Variants in TENM3 observed in about 807,000 individuals in gnomAD.
TENM3 encodes the protein teneurin-3.
Under a neutral mutation model 255.1 loss-of-function variants are expected in TENM3, and 63 were observed. The ratio of observed to expected loss-of-function variants is 0.25; its 90% confidence interval spans 0.20 to 0.30. The LOEUF (loss-of-function observed/expected upper bound fraction) is 0.30. Ranked by LOEUF, TENM3 falls within the 10% of genes least tolerant of loss-of-function variation. TENM3 has a pLI of 1.00. For missense variants in TENM3, 2,929 were observed against 3,461.1 expected (o/e 0.85, Z 3.86); for synonymous variants, 1,306 against 1,322.3 (o/e 0.99, Z 0.27).
At chr4:181,617,805 C>T in the TENM3 span, among the ~76,000 whole-genome samples, 1 of 152,180 alleles carries the variant, frequency 6.6e-6, no homozygotes, top group South Asian at 2.1e-4. Context: ...AAACTGGATA[C>T]CCTACAACTT....
the TENM3 span, among the ~76,000 whole-genome samples, chr4:181,559,701 G>A: frequency 1.3e-5 from 2 of 152,170 alleles, no homozygotes; most frequent in African/African-American, 4.8e-5. Context: ...TTCTAATGTG[G>A]CAATGTCACG....
chr4:182,796,682 C>T lies in TENM3; in HGVS notation c.7259C>T (p.Ala2420Val). 1 of 1,612,952 alleles carries T rather than the reference C, an allele frequency of 6.2e-7. No individual in the cohort carries two copies. The highest frequency in any genetic ancestry group is 8.5e-7 in the Non-Finnish European group (1 of 1,179,250). The change falls in exon 27 of 28, where the codon GCT (alanine) becomes GTT (valine). Residue 2420 changes from alanine to valine, a missense_variant. Transcript: ENST00000511685. Reference sequence around the variant, plus strand: ...ACATTTGGTTTCCATCTGCACAATGCTATTCCTGGATTCCCTGTTCCCAAA... The same window carrying T: ...ACATTTGGTTTCCATCTGCACAATGTTATTCCTGGATTCCCTGTTCCCAAA... ...LVTFGFHLHN[A>V]IPGFPVPKFD... is the part of the protein sequence containing the mutation.
intron 4 of TENM3, among the ~76,000 whole-genome samples, chr4:182,626,390 T>G (rs1750820343): frequency 6.6e-6 from 1 of 152,248 alleles, no homozygotes; most frequent in Admixed American, 6.5e-5. Flanking sequence ...TATGTGATTT[T>G]GAGCAAAATA....
At chr4:181,970,853 G>A in the TENM3 span, among the ~76,000 whole-genome samples, 3 of 152,196 alleles carry the variant, frequency 2.0e-5, no homozygotes, top group African/African-American at 7.2e-5. Context: ...ATATTTTTGT[G>A]AGCTGCAAAT....
At chr4:182,534,532 G>A (rs540604533) in intron 3 of TENM3, among the ~76,000 whole-genome samples, 2 of 152,302 alleles carry the variant, frequency 1.3e-5, no homozygotes, top group East Asian at 1.9e-4. Flanking sequence ...AGTAATGTGT[G>A]TGTACACAGT....
the TENM3 span, among the ~76,000 whole-genome samples, chr4:181,861,599 CA>C: frequency 6.6e-6 from 1 of 151,890 alleles, no homozygotes; most frequent in Non-Finnish European, 1.5e-5. Context: ...TTCTATCTTC[CA>C]ACATCCCTAA....
At chr4:181,562,969 C>T in the TENM3 span, among the ~76,000 whole-genome samples, 12 of 152,292 alleles carry the variant, frequency 7.9e-5, no homozygotes, top group African/African-American at 2.4e-4. Flanking sequence ...GCCACCGTGC[C>T]GGGCCCTTCT....
intron 3 of TENM3, among the ~76,000 whole-genome samples, chr4:182,600,438 C>T (rs1747715389): frequency 6.6e-6 from 1 of 152,034 alleles, no homozygotes; most frequent in South Asian, 2.1e-4. Flanking sequence ...TGTTTAGCAA[C>T]TAGCTTGTAA....
chr4:182,616,955 A>G (rs374843232), intron 4 of TENM3, among the ~76,000 whole-genome samples: 1 of 152,180 alleles, frequency 6.6e-6, no homozygotes, highest in Non-Finnish European at 1.5e-5. Context: ...TCTAAAGCAC[A>G]TTATTTAAAT....
intron 22 of TENM3, 23 bp downstream of exon 22, chr4:182,755,282 C>T (rs1762645030): frequency 6.5e-7 from 1 of 1,533,190 alleles, no homozygotes; most frequent in African/African-American, 1.4e-5. Flanking sequence ...AAATTCTACT[C>T]TGATTATAAA....
chr4:182,614,643 A>C (rs1328396719), intron 4 of TENM3, among the ~76,000 whole-genome samples: 4 of 152,114 alleles, frequency 2.6e-5, no homozygotes, highest in Admixed American at 2.6e-4. Flanking sequence ...TCGCTGAAAA[A>C]GTTAATTAAA....
intron 1 of TENM3, among the ~76,000 whole-genome samples, chr4:182,282,893 AG>A (rs377066112): frequency 0.052 from 6,516 of 126,430 alleles, 418 homozygotes; most frequent in African/African-American, 0.16. Context: ...ACTCCATTTC[AG>A]AAAAAAAAAA....
At chr4:182,477,377 T>G (rs1054101896) in intron 3 of TENM3, among the ~76,000 whole-genome samples, 10 of 152,140 alleles carry the variant, frequency 6.6e-5, no homozygotes, top group Non-Finnish European at 1.0e-4. Flanking sequence ...CCACCTTCAT[T>G]GAGACCCTGC....
intron 7 of TENM3, among the ~76,000 whole-genome samples, chr4:182,676,969 A>G (rs1755713782): frequency 1.3e-5 from 2 of 152,208 alleles, no homozygotes; most frequent in Admixed American, 1.3e-4. Flanking sequence ...CTTCCTAAAA[A>G]GAGCATAAGG....
the TENM3 span, among the ~76,000 whole-genome samples, chr4:182,043,352 C>T: frequency 6.6e-6 from 1 of 152,132 alleles, no homozygotes; most frequent in African/African-American, 2.4e-5. Flanking sequence ...TAATAATTTA[C>T]CATTGTGTAT....
chr4:182,008,930 T>C, the TENM3 span, among the ~76,000 whole-genome samples: 1 of 152,132 alleles, frequency 6.6e-6, no homozygotes, highest in Non-Finnish European at 1.5e-5. Flanking sequence ...TTTTTGTTGT[T>C]GATGATGCTA....
chr4:182,065,188 C>G, the TENM3 span, among the ~76,000 whole-genome samples: 99 of 152,124 alleles, frequency 6.5e-4, no homozygotes, highest in African/African-American at 2.2e-3. Flanking sequence ...GCATGTGGCA[C>G]CATGCCTATC....
intron 1 of TENM3, among the ~76,000 whole-genome samples, chr4:182,229,699 C>G (rs1342209340): frequency 6.6e-6 from 1 of 151,658 alleles, no homozygotes; most frequent in Non-Finnish European, 1.5e-5. Context: ...CAAAAGATGA[C>G]TTTGTAAGAA....
chr4:181,693,551 G>C, the TENM3 span, among the ~76,000 whole-genome samples: 2 of 152,124 alleles, frequency 1.3e-5, no homozygotes, highest in African/African-American at 4.8e-5. Context: ...AAAAGAAGCG[G>C]CGCAGTGAAT....
Sources: allele counts gnomAD v4.1 joint callset (sites outside exome capture counted in the v4.1 genomes callset), GRCh38; gene constraint gnomAD v4.1.1; transcripts MANE v1.5; gene names NCBI Gene and HGNC (gene_info 2026-07-23, HGNC 2026-07-21).